The following TBC1D5 variants were observed in gnomAD, a reference collection of about 807,000 sequenced individuals.
TBC1D5 encodes TBC1 domain family, member 5.
TBC1D5 carries 75 observed loss-of-function variants against 100.3 expected under a neutral mutation model. The ratio of observed to expected loss-of-function variants is 0.75; its 90% CI spans 0.62 to 0.91. TBC1D5 has a LOEUF of 0.91. Among genes scored for constraint, TBC1D5 ranks in the 40% least tolerant of loss-of-function variants. TBC1D5 has a pLI of 0.00. For synonymous variants in TBC1D5, 323 were observed against 325.6 expected, an observed-to-expected ratio of 0.99 and a Z score of 0.09; for missense variants, 910 against 942.4, an observed-to-expected ratio of 0.97 and a Z score of 0.45.
chr3:17,555,874 C>T (rs1451877251), intron 2 of TBC1D5, among the ~76,000 whole-genome samples: 5 of 152,142 alleles, frequency 3.3e-5, no homozygotes, highest in African/African-American at 7.2e-5. Flanking sequence ...AAGCCATGAC[C>T]GACCTTTCCA....
intron 15 of TBC1D5, among the ~76,000 whole-genome samples, chr3:17,287,857 C>G (rs1056157458): frequency 2.0e-5 from 3 of 152,122 alleles, no homozygotes; most frequent in African/African-American, 7.2e-5. Flanking sequence ...TTACAATGAA[C>G]CTACTAAGGC....
chr3:17,328,536 A>C (rs867425913), intron 13 of TBC1D5, among the ~76,000 whole-genome samples: 2 of 152,202 alleles, frequency 1.3e-5, no homozygotes, highest in Non-Finnish European at 2.9e-5. Context: ...CAGTGGCAGA[A>C]CTGGGACTCA....
At chr3:17,531,211 T>C (rs561634686) in intron 2 of TBC1D5, among the ~76,000 whole-genome samples, 2 of 152,296 alleles carry the variant, frequency 1.3e-5, no homozygotes, top group East Asian at 3.9e-4. Context: ...GAGAGCCAAG[T>C]CATGAGTGAA....
At chr3:17,163,907 A>G (rs1215893842) in intron 21 of TBC1D5, among the ~76,000 whole-genome samples, 1 of 152,210 alleles carries the variant, frequency 6.6e-6, no homozygotes, top group Non-Finnish European at 1.5e-5. Flanking sequence ...GCGGATTAAA[A>G]CAGGGGACCC....
chr3:17,262,782 A>G (rs540337663), intron 15 of TBC1D5, among the ~76,000 whole-genome samples: 3 of 151,882 alleles, frequency 2.0e-5, no homozygotes, highest in African/African-American at 7.3e-5. Context: ...CACCCGGCCG[A>G]CAATGTATTT....
rs2095407342 is a variant in TBC1D5 at position 17,473,731 on chromosome 3, C to A, written c.97+34743G>T. 2.0e-5 allele frequency among the ~76,000 whole-genome samples: 3 copies of A among 152,242 alleles called. No individual in the cohort carries two copies. The South Asian group carries it at 6.2e-4, about 32-fold the overall frequency. On this transcript the variant is annotated intron_variant, in intron 3 of 21. Coordinates refer to ENST00000253692, the Ensembl canonical transcript of TBC1D5. Reference sequence around the variant, plus strand: ...TGAAAATGTCTATGAATAAACAGATCATGTGGCTTTTTAATTTACTGAAGT... The same window carrying A: ...TGAAAATGTCTATGAATAAACAGATAATGTGGCTTTTTAATTTACTGAAGT...
intron 5 of TBC1D5, 147 bp from the exon 6 acceptor site, chr3:17,405,108 G>T (rs2093738222): frequency 2.3e-6 from 1 of 444,378 alleles, no homozygotes. Context: ...ACCAATTTCT[G>T]TTTGGAGATA....
At chr3:17,376,483 G>C in intron 10 of TBC1D5, 42 bp downstream of exon 10, 1 of 1,542,452 alleles carries the variant, frequency 6.5e-7, no homozygotes. Flanking sequence ...TTACCGTGGG[G>C]GCTAAAAAAC....
chr3:17,371,233 G>C (rs73156310), intron 13 of TBC1D5, among the ~76,000 whole-genome samples: 13,689 of 152,032 alleles, frequency 0.09, 1,424 homozygotes, highest in African/African-American at 0.26. Flanking sequence ...AGGAATCTAC[G>C]TCTGAGGGTA....
At chr3:17,516,351 C>CAA (rs2095987426) in intron 2 of TBC1D5, among the ~76,000 whole-genome samples, 1 of 151,154 alleles carries the variant, frequency 6.6e-6, no homozygotes, top group African/African-American at 2.4e-5. Context: ...TAATCTGTGG[C>CAA]CAAAAGATTT....
chr3:17,607,058 G>C (rs2061374759), intron 2 of TBC1D5, among the ~76,000 whole-genome samples: 1 of 152,102 alleles, frequency 6.6e-6, no homozygotes, highest in Non-Finnish European at 1.5e-5. Flanking sequence ...TAAAATCAGT[G>C]ATTTTCCAGA....
At chr3:17,240,177 T>C (rs1193671486) in intron 16 of TBC1D5, among the ~76,000 whole-genome samples, 1 of 152,202 alleles carries the variant, frequency 6.6e-6, no homozygotes, top group Admixed American at 6.5e-5. Flanking sequence ...CTACCTTCCA[T>C]AAAGTTTTCT....
chr3:17,199,142 T>C (rs1264526508), intron 18 of TBC1D5, among the ~76,000 whole-genome samples: 1 of 152,254 alleles, frequency 6.6e-6, no homozygotes, highest in Non-Finnish European at 1.5e-5. Flanking sequence ...TGCTCATTTA[T>C]TTGAGAAAAA....
At chr3:17,406,560 T>C (rs2093775659) in intron 4 of TBC1D5, 34 bp from the exon 5 acceptor site, 1 of 1,574,958 alleles carries the variant, frequency 6.3e-7, no homozygotes, top group African/African-American at 1.4e-5. Context: ...GAGAATCCTT[T>C]TGTTAAAATT....
intron 2 of TBC1D5, among the ~76,000 whole-genome samples, chr3:17,614,703 G>T (rs555306358): frequency 8.5e-5 from 13 of 152,232 alleles, no homozygotes; most frequent in Admixed American, 5.2e-4. Flanking sequence ...CGGGTGTATA[G>T]GAATGCCTGT....
intron 1 of TBC1D5, among the ~76,000 whole-genome samples, chr3:17,653,733 T>C (rs1020054125): frequency 3.9e-5 from 6 of 152,246 alleles, no homozygotes; most frequent in Admixed American, 2.6e-4. Context: ...AATTAAACTA[T>C]GGTTACATAA....
intron 13 of TBC1D5, among the ~76,000 whole-genome samples, chr3:17,322,602 T>A (rs1225171586): frequency 6.6e-6 from 1 of 152,198 alleles, no homozygotes; most frequent in Non-Finnish European, 1.5e-5. Flanking sequence ...TTGCTCTTAC[T>A]AAGTTTAAAA....
exon 5 of TBC1D5, chr3:17,406,484 T>G (rs1158513788): frequency 6.2e-7 from 1 of 1,612,124 alleles, no homozygotes; most frequent in East Asian, 2.2e-5. Context: ...GCCTTATTGT[T>G]GCCAAGTAAT....
intron 18 of TBC1D5, among the ~76,000 whole-genome samples, chr3:17,197,118 G>C (rs1345858330): frequency 6.6e-6 from 1 of 152,146 alleles, no homozygotes; most frequent in African/African-American, 2.4e-5. Flanking sequence ...ATTCCATCCA[G>C]ATAACTCTCC....
Sources: allele counts gnomAD v4.1 joint callset (sites outside exome capture counted in the v4.1 genomes callset), GRCh38; gene constraint gnomAD v4.1.1; transcripts MANE v1.5; gene names NCBI Gene and HGNC (gene_info 2026-07-23, HGNC 2026-07-21).